Variants in PPFIA2 observed in about 807,000 individuals in gnomAD.
PPFIA2 encodes the protein liprin-alpha-2.
A neutral mutation model predicts 175.5 loss-of-function variants in PPFIA2; 46 were observed. The observed-to-expected ratio is 0.26, with a 90% CI of 0.21 to 0.34. PPFIA2 has a LOEUF of 0.34. Ranked by LOEUF, PPFIA2 falls within the 10% of genes least tolerant of loss-of-function variation. PPFIA2 has a pLI of 1.00. For synonymous variants in PPFIA2, 568 were observed against 511.4 expected (o/e 1.11, Z -1.49); for missense variants, 1,179 against 1,506.1 (o/e 0.78, Z 3.60).
chr12:81,570,655 AGGG>A (rs1484838886), intron 4 of PPFIA2, among the ~76,000 whole-genome samples: 1 of 150,372 alleles, frequency 6.7e-6, no homozygotes, highest in Non-Finnish European at 1.5e-5. Flanking sequence ...TTTCTTAAAA[AGGG>A]GGAATTTATC....
At chr12:81,311,226 A>C (rs1167887145) in intron 22 of PPFIA2, among the ~76,000 whole-genome samples, 2 of 152,196 alleles carry the variant, frequency 1.3e-5, no homozygotes, top group Non-Finnish European at 2.9e-5. Context: ...CCATTATCTG[A>C]GTAATTCAGG....
chr12:81,667,327 G>C (rs1481076293), intron 4 of PPFIA2, among the ~76,000 whole-genome samples: 2 of 152,024 alleles, frequency 1.3e-5, no homozygotes. Flanking sequence ...TGGCTTCATA[G>C]GTTGCACCAA....
At position 81,657,719 on chromosome 12, in the gene PPFIA2, C is replaced by T. The variant is rs186945150; in HGVS notation, c.303+19072G>A. On this transcript the variant is annotated intron_variant, in intron 4 of 32. Coordinates refer to ENST00000549396, the MANE Select transcript of PPFIA2 (RefSeq NM_003625.5). The stretch of plus-strand genomic sequence containing the variant: ...TTGCAGTAGCTAGCTTTTGTAATTG[C>T]TAAAGTCTGTAGAATTGAAATACCT... Among the ~76,000 whole-genome samples the T allele has an allele frequency of 2.0e-5, 3 of 152,152 alleles. No homozygotes were observed. In the East Asian group the frequency reaches 5.8e-4, roughly 29 times the overall value.
chr12:81,681,392 CA>C (rs1300993758), intron 3 of PPFIA2, among the ~76,000 whole-genome samples: 2 of 151,864 alleles, frequency 1.3e-5, no homozygotes, highest in African/African-American at 4.8e-5. Flanking sequence ...CATGAAAACC[CA>C]GTAAACCAAG....
chr12:81,517,515 C>T (rs1452473376), intron 4 of PPFIA2, among the ~76,000 whole-genome samples: 1 of 152,154 alleles, frequency 6.6e-6, no homozygotes, highest in Non-Finnish European at 1.5e-5. Flanking sequence ...CCAAGAAACA[C>T]TCCACATGCC....
At chr12:81,359,846 CCTG>C (rs1304067346) in intron 15 of PPFIA2, among the ~76,000 whole-genome samples, 3 of 151,900 alleles carry the variant, frequency 2.0e-5, no homozygotes, top group Non-Finnish European at 4.4e-5. Context: ...ATATCAATTT[CCTG>C]CTTAAAATTA....
chr12:81,751,358 T>C (rs1261066954), intron 3 of PPFIA2, among the ~76,000 whole-genome samples: 1 of 151,972 alleles, frequency 6.6e-6, no homozygotes, highest in African/African-American at 2.4e-5. Context: ...GAATATGTAA[T>C]GAATTTGACG....
chr12:81,654,908 G>T (rs184369660), intron 4 of PPFIA2, among the ~76,000 whole-genome samples: 7 of 152,220 alleles, frequency 4.6e-5, no homozygotes, highest in Non-Finnish European at 8.8e-5. Flanking sequence ...TTCCTTAAAT[G>T]ATTGTAGAAT....
At chr12:81,461,801 T>A (rs2054583620) in intron 4 of PPFIA2, among the ~76,000 whole-genome samples, 1 of 152,074 alleles carries the variant, frequency 6.6e-6, no homozygotes, top group Non-Finnish European at 1.5e-5. Flanking sequence ...CCTCAAATAC[T>A]CTTCATCATC....
At chr12:81,461,441 TACA>T (rs1283349184) in intron 4 of PPFIA2, among the ~76,000 whole-genome samples, 2 of 152,126 alleles carry the variant, frequency 1.3e-5, no homozygotes, top group African/African-American at 4.8e-5. Flanking sequence ...CAGCCATTCA[TACA>T]ACATTTGTTG....
At chr12:81,337,075 C>T (rs984627977) in intron 21 of PPFIA2, among the ~76,000 whole-genome samples, 1 of 152,044 alleles carries the variant, frequency 6.6e-6, no homozygotes. Context: ...TGTATCATTT[C>T]CTTTGGTGCA....
Position 81,753,943 on chromosome 12 carries a change from AG to A in PPFIA2, c.249+29del, listed in dbSNP as rs766142629. On this transcript the variant is annotated intron_variant, in intron 3 of 32. Transcript: ENST00000549396. ...ATCTTAACAAATGTTCAATTACAAT[AG>A]GAGAAACAAAGGCTACCAGGAAGCA... 1.9e-4 allele frequency: 301 copies of A among 1,609,636 alleles called. 2 individuals are homozygous for A. The Admixed American group carries it at 5.0e-3, about 27-fold the overall frequency.
chr12:81,331,164 T>C (rs1044539838), intron 21 of PPFIA2, among the ~76,000 whole-genome samples: 6 of 152,236 alleles, frequency 3.9e-5, no homozygotes, highest in African/African-American at 1.4e-4. Context: ...TTTATGACAG[T>C]GTTCCCATAA....
At chr12:81,727,570 C>T (rs2080254399) in intron 3 of PPFIA2, among the ~76,000 whole-genome samples, 1 of 151,254 alleles carries the variant, frequency 6.6e-6, no homozygotes, top group African/African-American at 2.4e-5. Context: ...AAAATGAAGG[C>T]TCCAAGGCCC....
In PPFIA2 at chr12:81,445,550, C is replaced by A; in HGVS notation, c.570+6G>T. 6.2e-7 allele frequency: 1 copy of A among 1,611,634 alleles called. No individual in the cohort carries two copies. Among genetic ancestry groups the A allele is most frequent in the Non-Finnish European group, 8.5e-7 (1 of 1,178,892 alleles). ...GTTAAGCTTGAACTCTTTTTCCATA[C>A]TATACCTTTTCATCCAAGGCCTTGT... On this transcript the variant is annotated splice_donor_region_variant and intron_variant, in intron 6 of 32. Coordinates refer to ENST00000549396, the MANE Select transcript of PPFIA2 (RefSeq NM_003625.5).
At chr12:81,661,613 C>A (rs943525580) in intron 4 of PPFIA2, among the ~76,000 whole-genome samples, 21 of 152,102 alleles carry the variant, frequency 1.4e-4, no homozygotes, top group African/African-American at 4.3e-4. Context: ...GACTTTAACA[C>A]CCCACTGTCA....
At chr12:81,569,807 T>C (rs1474219589) in intron 4 of PPFIA2, among the ~76,000 whole-genome samples, 2 of 152,038 alleles carry the variant, frequency 1.3e-5, no homozygotes, top group African/African-American at 2.4e-5. Flanking sequence ...ACACAAAATA[T>C]AGGAAGTAAG....
intron 3 of PPFIA2, among the ~76,000 whole-genome samples, chr12:81,705,175 C>A (rs956061724): frequency 6.8e-6 from 1 of 147,658 alleles, no homozygotes; most frequent in South Asian, 2.2e-4. Context: ...TACGGCCGGG[C>A]GCAGTGGCTC....
chr12:81,446,391 C>G (rs373713683), intron 5 of PPFIA2, among the ~76,000 whole-genome samples: 1 of 152,064 alleles, frequency 6.6e-6, no homozygotes, highest in East Asian at 1.9e-4. Context: ...TGAAGACTTT[C>G]CAGGCTGTTT....
Sources: gnomAD v4.1 joint callset for allele counts (sites outside exome capture counted in the v4.1 genomes callset) on GRCh38, gnomAD v4.1.1 for gene constraint, MANE v1.5 for transcripts, NCBI Gene and HGNC (gene_info 2026-07-23, HGNC 2026-07-21) for gene names.